Variants in P2RX5 observed in about 807,000 individuals in gnomAD.
P2RX5 encodes purinergic receptor P2X 5, also known as P2X purinoceptor 5.
Under a neutral mutation model 54.1 loss-of-function variants are expected in P2RX5, and 46 were observed. That is an observed-to-expected ratio of 0.85 (90% CI 0.67 to 1.09). The LOEUF (loss-of-function observed/expected upper bound fraction) is 1.09, where lower values mean the gene tolerates loss of function less well. Among genes scored for constraint, P2RX5 ranks in the 50% least tolerant of loss-of-function variants. The pLI is 0.00. For synonymous variants in P2RX5, 226 were observed against 226.4 expected (o/e 1.00, Z 0.02); for missense variants, 566 against 549.8 (o/e 1.03, Z -0.29).
intron 11 of P2RX5, among the ~76,000 whole-genome samples, chr17:3,678,793 A>G (rs532380977): frequency 6.6e-6 from 1 of 152,350 alleles, no homozygotes; most frequent in East Asian, 1.9e-4. Flanking sequence ...GGAGGTGTCC[A>G]GCCCCCACTG....
At chr17:3,714,729 T>C in the P2RX5 span, 1 of 594,208 alleles carries the variant, frequency 1.7e-6, no homozygotes, top group Non-Finnish European at 3.0e-6. Context: ...TAAAAACTAA[T>C]ATTCTACCAA....
intron 10 of P2RX5, among the ~76,000 whole-genome samples, chr17:3,680,413 GTCCTCCACCCTGCA>G (rs1567730471): frequency 6.6e-5 from 6 of 91,210 alleles, no homozygotes; most frequent in African/African-American, 2.8e-4. Flanking sequence ...TCCACCCAGC[GTCCTCCACCCTGCA>G]TCCTCCACCC....
chr17:3,716,168 C>T, the P2RX5 span, among the ~76,000 whole-genome samples: 1 of 105,682 alleles, frequency 9.5e-6, no homozygotes, highest in Non-Finnish European at 2.0e-5. Context: ...GGAACTCCGT[C>T]TCAAAAAAAA....
chr17:3,691,864 G>A (rs752679089), intron 1 of P2RX5, 70 bp from the exon 2 acceptor site: 1 of 1,541,740 alleles, frequency 6.5e-7, no homozygotes. Context: ...CCAGGCCTTG[G>A]GGTGGGGTAG....
the P2RX5 span, among the ~76,000 whole-genome samples, chr17:3,718,984 C>G: frequency 6.6e-6 from 1 of 152,000 alleles, no homozygotes; most frequent in Non-Finnish European, 1.5e-5. Context: ...GTAATCCCAG[C>G]ACTTTGGGAG....
At chr17:3,709,393 T>TA in the P2RX5 span, among the ~76,000 whole-genome samples, 1 of 152,096 alleles carries the variant, frequency 6.6e-6, no homozygotes, top group Admixed American at 6.6e-5. Context: ...CTCCCACTAA[T>TA]AAAAAAACAA....
Position 3,696,142 on chromosome 17 carries a change from CAGGGCTG to C in P2RX5, c.-144_-138del, listed in dbSNP as rs1009656216. 22 of 898,440 alleles carry C rather than the reference CAGGGCTG, an allele frequency of 2.4e-5. No individual in the cohort carries two copies. In the African/African-American group the frequency reaches 3.7e-4, roughly 15 times the overall value. 55.7% of individuals were successfully genotyped at this position (898,440 alleles called of 1,614,324 possible). Reference sequence around the variant, plus strand: ...CTCAGCTGCAGCCCGGGGTGTCCGGCAGGGCTGCGGGGCGCGGGGGCGGGTCGGGGCG... The same window carrying C: ...CTCAGCTGCAGCCCGGGGTGTCCGGCCGGGGCGCGGGGGCGGGTCGGGGCG... On this transcript the variant is annotated 5_prime_UTR_variant, in exon 1 of 12. Coordinates refer to ENST00000225328, the MANE Select transcript of P2RX5 (RefSeq NM_002561.4).
chr17:3,715,237 A>T, the P2RX5 span, among the ~76,000 whole-genome samples: 1 of 152,146 alleles, frequency 6.6e-6, no homozygotes, highest in South Asian at 2.1e-4. Flanking sequence ...TACTGGATCT[A>T]ATCTTATTTA....
At chr17:3,699,127 G>A (rs559170044), upstream of P2RX5, among the ~76,000 whole-genome samples, 2 of 147,098 alleles carry the variant, frequency 1.4e-5, no homozygotes, top group Admixed American at 6.8e-5. Context: ...CAGGCACAGT[G>A]GCTCATGCCT....
chr17:3,704,036 A>G, the P2RX5 span, among the ~76,000 whole-genome samples: 374 of 152,260 alleles, frequency 2.5e-3, 1 homozygote, highest in Admixed American at 7.5e-3. Flanking sequence ...CAGGAGGCAG[A>G]GGTTGTGGTG....
chr17:3,693,667 G>A (rs1389353277), intron 1 of P2RX5, among the ~76,000 whole-genome samples: 1 of 152,114 alleles, frequency 6.6e-6, no homozygotes, highest in African/African-American at 2.4e-5. Flanking sequence ...GAACCCAGGA[G>A]GCAGAGGTTG....
chr17:3,676,033 C>G (rs1419099119), intron 11 of P2RX5: 29 of 985,410 alleles, frequency 2.9e-5, no homozygotes, highest in Non-Finnish European at 3.5e-5. Flanking sequence ...CCCCGCCTTT[C>G]TGTGTGCAGA....
At chr17:3,706,565 C>T in the P2RX5 span, among the ~76,000 whole-genome samples, 2 of 151,642 alleles carry the variant, frequency 1.3e-5, no homozygotes, top group Non-Finnish European at 2.9e-5. Flanking sequence ...TCACAGGGTG[C>T]GGCTCCCACA....
At chr17:3,709,514 T>A in the P2RX5 span, among the ~76,000 whole-genome samples, 1 of 152,332 alleles carries the variant, frequency 6.6e-6, no homozygotes, top group East Asian at 1.9e-4. Flanking sequence ...CCAGGCACAG[T>A]GGCACATGCC....
chr17:3,720,478 C>A, the P2RX5 span: 1 of 714,236 alleles, frequency 1.4e-6, no homozygotes, highest in Non-Finnish European at 2.6e-6. Context: ...ACAGCCTTCA[C>A]CACCTTTCCC....
At chr17:3,693,301 T>G (rs2050669363) in intron 1 of P2RX5, among the ~76,000 whole-genome samples, 1 of 152,162 alleles carries the variant, frequency 6.6e-6, no homozygotes, top group African/African-American at 2.4e-5. Context: ...ATAACAGGTG[T>G]TGATGAGGTT....
intron 1 of P2RX5, among the ~76,000 whole-genome samples, chr17:3,693,599 A>G (rs961340246): frequency 1.3e-5 from 2 of 152,136 alleles, no homozygotes; most frequent in Non-Finnish European, 2.9e-5. Context: ...TTAGCCAGGC[A>G]TGGTGGCCCA....
At chr17:3,711,367 A>ATTTT in the P2RX5 span, among the ~76,000 whole-genome samples, 1 of 88,146 alleles carries the variant, frequency 1.1e-5, no homozygotes, top group Non-Finnish European at 2.1e-5. Flanking sequence ...CCCAGCACTC[A>ATTTT]TTCTTTTTTT....
the P2RX5 span, among the ~76,000 whole-genome samples, chr17:3,710,500 T>C: frequency 2.0e-5 from 3 of 151,932 alleles, no homozygotes; most frequent in African/African-American, 4.8e-5. Flanking sequence ...CTGTTCCTAG[T>C]TCAAGTAATG....
Sources: allele counts gnomAD v4.1 joint callset (sites outside exome capture counted in the v4.1 genomes callset), GRCh38; gene constraint gnomAD v4.1.1; transcripts MANE v1.5; gene names NCBI Gene and HGNC (gene_info 2026-07-23, HGNC 2026-07-21).